DPP6: variants seen among roughly 807,000 people sequenced by gnomAD.
DPP6 encodes A-type potassium channel modulatory protein DPP6.
DPP6 carries 69 observed loss-of-function variants against 122.6 expected under a neutral mutation model. The ratio of observed to expected loss-of-function variants is 0.56; its 90% CI spans 0.46 to 0.69. The LOEUF (loss-of-function observed/expected upper bound fraction) is 0.69, where lower values mean the gene tolerates loss of function less well. DPP6 is among the 30% of genes least tolerant of loss of function. The pLI is 0.00. For missense variants in DPP6, 928 were observed against 1,116.9 expected (o/e 0.83, Z 2.41); for synonymous variants, 418 against 433.1 (o/e 0.97, Z 0.43).
chr7:154,600,952 G>A (rs781467643), intron 5 of DPP6, among the ~76,000 whole-genome samples: 3 of 119,646 alleles, frequency 2.5e-5, no homozygotes, highest in African/African-American at 8.0e-5. Flanking sequence ...TTTGCCAGGC[G>A]TGGTGGTACA....
intron 7 of DPP6, among the ~76,000 whole-genome samples, chr7:154,675,642 C>T (rs1481983035): frequency 6.6e-6 from 1 of 152,208 alleles, no homozygotes; most frequent in Non-Finnish European, 1.5e-5. Flanking sequence ...GTTCTGGATA[C>T]TGCCTGATCC....
intron 2 of DPP6, among the ~76,000 whole-genome samples, chr7:154,460,452 G>A (rs116645406): frequency 0.022 from 3,369 of 152,112 alleles, 139 homozygotes; most frequent in African/African-American, 0.077. Context: ...TCATAACCAC[G>A]TGGGAAAATT....
At chr7:154,832,653 G>A (rs750368436) in intron 16 of DPP6, among the ~76,000 whole-genome samples, 35 of 152,306 alleles carry the variant, frequency 2.3e-4, no homozygotes, top group Non-Finnish European at 4.1e-4. Context: ...TGTGAACAGC[G>A]CTCTGCCCTC....
intron 8 of DPP6, among the ~76,000 whole-genome samples, chr7:154,756,093 G>A (rs987529746): frequency 6.6e-6 from 1 of 152,216 alleles, no homozygotes; most frequent in Non-Finnish European, 1.5e-5. Flanking sequence ...AACCCCCTAG[G>A]GAAGAGTGAG....
chr7:154,430,907 TAA>T, intron 1 of DPP6, among the ~76,000 whole-genome samples: 1 of 126,598 alleles, frequency 7.9e-6, no homozygotes, highest in Non-Finnish European at 1.8e-5. Flanking sequence ...TTCGTTAAGT[TAA>T]GTCTTCCATT....
intron 2 of DPP6, among the ~76,000 whole-genome samples, chr7:154,459,214 T>A (rs1821058308): frequency 2.0e-5 from 3 of 150,430 alleles, no homozygotes; most frequent in African/African-American, 7.3e-5. Context: ...TTTCTGAGAC[T>A]AAGTAACCCC....
chr7:154,208,905 C>A (rs1799593048), intron 1 of DPP6, among the ~76,000 whole-genome samples: 1 of 152,180 alleles, frequency 6.6e-6, no homozygotes, highest in Admixed American at 6.5e-5. Flanking sequence ...TCTTTCCTTG[C>A]CTAAATAATT....
chr7:154,866,560 G>T (rs1259950637), intron 17 of DPP6, among the ~76,000 whole-genome samples: 1 of 152,200 alleles, frequency 6.6e-6, no homozygotes, highest in Admixed American at 6.5e-5. Context: ...CACCACTGCA[G>T]ACACCCCTTG....
chr7:154,873,886 A>G (rs1286380304), intron 19 of DPP6, among the ~76,000 whole-genome samples: 3 of 141,272 alleles, frequency 2.1e-5, no homozygotes, highest in African/African-American at 6.2e-5. Context: ...ACACACATGC[A>G]CACACACGCA....
At chr7:154,785,870 T>C (rs7786413) in intron 10 of DPP6, among the ~76,000 whole-genome samples, 128,988 of 152,222 alleles carry the variant, frequency 0.85, 54,994 homozygotes, top group African/African-American at 0.94. Flanking sequence ...TTTTAAATTG[T>C]TTTTGTTTTT....
the DPP6 span, among the ~76,000 whole-genome samples, chr7:153,799,452 G>A: frequency 2.6e-5 from 4 of 152,098 alleles, no homozygotes; most frequent in African/African-American, 4.8e-5. Flanking sequence ...TTGTGTGCTG[G>A]CAGTGGATTC....
At chr7:154,628,696 C>G (rs1416503411) in intron 5 of DPP6, among the ~76,000 whole-genome samples, 1 of 152,130 alleles carries the variant, frequency 6.6e-6, no homozygotes, top group African/African-American at 2.4e-5. Context: ...TGGGGAAAGT[C>G]TGCTTCTGCC....
chr7:154,053,055 G>A lies in DPP6; in HGVS notation c.235G>A (p.Glu79Lys), dbSNP rs760726966. 6.2e-5 allele frequency: 66 copies of A among 1,057,550 alleles called. No homozygotes were observed. The highest frequency in any genetic ancestry group is 4.0e-4 in the Middle Eastern group (1 of 2,500). 65.5% of individuals were successfully genotyped at this position (1,057,550 alleles called of 1,614,324 possible). A position where few individuals can be genotyped will look rare whatever the true frequency, so the allele number is the denominator to read the frequency against. ...FQYQARSDGDEEDELVGSNPP... is the reference protein window; with the variant it reads ...FQYQARSDGDKEDELVGSNPP... ...GTACCAGGCGCGGAGCGATGGTGAC[G>A]AGGAGGACGTAAGAGCTTCTCGGGG... The change falls in exon 1 of 26, where the codon GAG becomes AAG. Residue 79 changes from glutamate to lysine, a missense_variant. Physicochemically the swap from Glu to Lys is moderately conservative, Grantham distance 56 (BLOSUM62 1). Coordinates refer to ENST00000377770, the MANE Select transcript of DPP6 (RefSeq NM_130797.4).
intron 1 of DPP6, among the ~76,000 whole-genome samples, chr7:153,981,170 T>A (rs1365980500): frequency 6.6e-6 from 1 of 152,200 alleles, no homozygotes; most frequent in African/African-American, 2.4e-5. Context: ...ACTATTATTG[T>A]GTGGGAGTCT....
At chr7:153,896,483 G>A (rs1378430166) in intron 1 of DPP6, among the ~76,000 whole-genome samples, 1 of 151,862 alleles carries the variant, frequency 6.6e-6, no homozygotes, top group Non-Finnish European at 1.5e-5. Flanking sequence ...TCTATGATGA[G>A]GTAAAAATGA....
chr7:154,023,317 T>TGCACGCGCAC (rs3059905), intron 1 of DPP6, among the ~76,000 whole-genome samples: 20 of 40,974 alleles, frequency 4.9e-4, no homozygotes, highest in African/African-American at 2.2e-3. Context: ...GTTTCTTGTC[T>TGCACGCGCAC]GCACACACAC....
intron 2 of DPP6, among the ~76,000 whole-genome samples, 190 bp downstream of exon 2, chr7:154,446,518 C>T (rs1819885190): frequency 6.6e-6 from 1 of 152,148 alleles, no homozygotes; most frequent in South Asian, 2.1e-4. Context: ...GATTTGTTCA[C>T]AAAGTTGTTT....
chr7:154,838,660 TGGCC>T (rs1801277091), intron 16 of DPP6: 1 of 152,262 alleles, frequency 6.6e-6, no homozygotes, highest in African/African-American at 2.4e-5. Flanking sequence ...GCCAGGGTGC[TGGCC>T]CCTAAGGACG....
chr7:153,855,529 A>G, the DPP6 span, among the ~76,000 whole-genome samples: 112 of 152,302 alleles, frequency 7.4e-4, no homozygotes, highest in African/African-American at 2.5e-3. Context: ...AACTTCATGC[A>G]TTAATTTTGG....
Sources: allele counts gnomAD v4.1 joint callset (sites outside exome capture counted in the v4.1 genomes callset), GRCh38; gene constraint gnomAD v4.1.1; transcripts MANE v1.5; gene names NCBI Gene and HGNC (gene_info 2026-07-23, HGNC 2026-07-21).